Variants in MYOM3 observed in about 807,000 individuals in gnomAD.
The protein encoded by MYOM3 is myomesin-3.
A neutral mutation model predicts 191.7 loss-of-function variants in MYOM3; 155 were observed. The ratio of observed to expected loss-of-function variants is 0.81; its 90% CI spans 0.71 to 0.92. MYOM3 has a LOEUF of 0.92. MYOM3 is among the 40% of genes least tolerant of loss of function. The pLI, the probability that MYOM3 is intolerant of heterozygous loss-of-function variation, is 0.00. For missense variants in MYOM3, 1,889 were observed against 1,890.6 expected, an observed-to-expected ratio of 1.00 and a Z score of 0.02; for synonymous variants, 757 against 762.9, an observed-to-expected ratio of 0.99 and a Z score of 0.13.
At chr1:24,092,420 C>T in intron 10 of MYOM3, 105 bp from the exon 11 acceptor site, 2 of 1,060,210 alleles carry the variant, frequency 1.9e-6, no homozygotes, top group Non-Finnish European at 2.5e-6. Flanking sequence ...CCTCCAGGGG[C>T]TCAGTTTTGA....
intron 20 of MYOM3, among the ~76,000 whole-genome samples, chr1:24,077,922 A>G (rs774197393): frequency 2.0e-5 from 3 of 152,232 alleles, no homozygotes; most frequent in East Asian, 3.8e-4. Context: ...GTCTTCCCTG[A>G]TTCTGTCTGA....
At chr1:24,108,221 G>T in intron 2 of MYOM3, 148 bp from the exon 3 acceptor site, 2 of 808,824 alleles carry the variant, frequency 2.5e-6, no homozygotes, top group Non-Finnish European at 3.9e-6. Flanking sequence ...AGAAAGCAAG[G>T]CTGCATCCCC....
intron 4 of MYOM3, 136 bp from the exon 5 acceptor site, chr1:24,106,213 C>T: frequency 9.7e-7 from 1 of 1,027,448 alleles, no homozygotes; most frequent in Non-Finnish European, 1.4e-6. Context: ...CCTCCCCTAG[C>T]TGAGCAGGGT....
intron 20 of MYOM3, 51 bp from the exon 21 acceptor site, chr1:24,076,324 G>A (rs2148548401): frequency 7.2e-7 from 1 of 1,391,114 alleles, no homozygotes; most frequent in Non-Finnish European, 1.0e-6. Flanking sequence ...GACTCTTCCT[G>A]AAACCTGGGC....
chr1:24,071,019 C>A, intron 25 of MYOM3, 98 bp downstream of exon 25: 1 of 1,418,956 alleles, frequency 7.0e-7, no homozygotes, highest in Admixed American at 1.9e-5. Flanking sequence ...CTGAAATGGC[C>A]ACTAGGGGGA....
intron 13 of MYOM3, 83 bp downstream of exon 13, chr1:24,089,982 C>T: frequency 7.1e-7 from 1 of 1,404,704 alleles, no homozygotes; most frequent in Non-Finnish European, 1.0e-6. Flanking sequence ...TGCACTGGGA[C>T]AGCTTCTGCC....
intron 11 of MYOM3, among the ~76,000 whole-genome samples, chr1:24,091,631 G>C (rs1643832963): frequency 6.6e-6 from 1 of 152,220 alleles, no homozygotes; most frequent in Non-Finnish European, 1.5e-5. Context: ...GAGGGCATTA[G>C]ATAGTCCCCC....
rs1489791402 is a variant in MYOM3 at position 24,082,422 on chromosome 1, A to G, written c.2092+171T>C. On this transcript the variant is annotated intron_variant, in intron 17 of 36. Coordinates refer to ENST00000374434, the MANE Select transcript of MYOM3 (RefSeq NM_152372.4). ...AGGCCCCATCCCATGGCCTCAAGCC[A>G]TGGTTACTTCCTTCCCAAAGGAAAG... 3 of 1,048,606 alleles carry G rather than the reference A, an allele frequency of 2.9e-6. No homozygotes were observed. The African/African-American group carries it at 4.9e-5, about 17-fold the overall frequency. The allele number at this position is 1,048,606 out of a possible 1,614,324, so 65.0% of individuals were successfully genotyped here. A position where few individuals can be genotyped will look rare whatever the true frequency, so the allele number is the denominator to read the frequency against.
chr1:24,098,020 G>C lies in MYOM3; in HGVS notation c.657-9C>G, dbSNP rs1157298615. 6.3e-7 allele frequency: 1 copy of C among 1,588,256 alleles called. No individual in the cohort carries two copies. The highest frequency in any genetic ancestry group is 1.3e-5 in the African/African-American group (1 of 74,422). On this transcript the variant is annotated splice_polypyrimidine_tract_variant and intron_variant, in intron 6 of 36. Transcript: ENST00000374434. ...AGTCCTCAATGGCGCATCTGAAAAG[G>C]AGAGAGGGAGAAGTTCCTCCCAAGA... is the stretch of plus-strand genomic sequence containing the variant.
At chr1:24,092,787 C>T (rs905120036) in intron 10 of MYOM3, among the ~76,000 whole-genome samples, 160 bp downstream of exon 10, 12 of 152,162 alleles carry the variant, frequency 7.9e-5, no homozygotes, top group South Asian at 2.1e-4. Context: ...TAGGATGCCA[C>T]GGGGAGTCTT....
In MYOM3 at chr1:24,069,434, G is replaced by A. The variant is rs553865158; in HGVS notation, c.3151-1067C>T. The stretch of plus-strand genomic sequence containing the variant: ...GCACAGATGGAGAAACACAGGCACA[G>A]ACAGGTGAAGAGACCTGCCAAGGTC... On this transcript the variant is annotated intron_variant, in intron 25 of 36. Transcript: ENST00000374434. Among the ~76,000 whole-genome samples, 42 of 152,334 alleles carry A rather than the reference G, an allele frequency of 2.8e-4. 1 individual carries two copies. The South Asian group carries it at 8.3e-3, about 30-fold the overall frequency.
chr1:24,066,092 A>G, intron 28 of MYOM3, 91 bp from the exon 29 acceptor site: 1 of 842,790 alleles, frequency 1.2e-6, no homozygotes, highest in South Asian at 1.3e-5. Flanking sequence ...ATCTCAGTGG[A>G]GTCCTTTCAC....
chr1:24,081,578 T>C, intron 18 of MYOM3, 122 bp from the exon 19 acceptor site: 1 of 1,201,738 alleles, frequency 8.3e-7, no homozygotes, highest in South Asian at 1.5e-5. Context: ...ATTTTTATTT[T>C]TTGAGACATG....
In MYOM3 at chr1:24,068,027, A is replaced by G; in HGVS notation, c.3298T>C (p.Phe1100Leu). ...QITLTLVDDD[F>L]DKLLRKADAK... ...TCTGCCTTCCTCAGAAGCTTGTCAA[A>G]ATCTGTGAACACAGAGGGAGGAACT... Residue 1100 changes from phenylalanine (F) to leucine (L), a missense_variant and splice_region_variant, in exon 27 of 37, where the codon TTT becomes CTT. Transcript: ENST00000374434. 1 of 1,614,170 alleles carries G rather than the reference A, an allele frequency of 6.2e-7. No homozygotes were observed. Among genetic ancestry groups the G allele is most frequent in the South Asian group, 1.1e-5 (1 of 91,082 alleles).
intron 14 of MYOM3, 69 bp downstream of exon 14, chr1:24,089,469 A>G (rs565162291): frequency 3.3e-6 from 5 of 1,502,472 alleles, no homozygotes; most frequent in Admixed American, 4.5e-5. Context: ...CCCAGGGGAC[A>G]CTGCCCAGGG....
rs766570468 is a variant in MYOM3, at chr1:24,081,420, G to A, written c.2317C>T (p.Arg773Cys). 7 of 1,614,048 alleles carry A rather than the reference G, an allele frequency of 4.3e-6. No individual in the cohort carries two copies. The highest frequency in any genetic ancestry group is 1.1e-5 in the South Asian group (1 of 91,082). ...DLHEGHFYEFRARAANWAGVG... is the reference protein window; with the variant it reads ...DLHEGHFYEFCARAANWAGVG... The stretch of plus-strand genomic sequence containing the variant: ...CCTGCCCAGTTGGCAGCCCGGGCAC[G>A]GAACTCATAGAAGTGGCCTTCATGA... The change falls in exon 19 of 37, where the codon CGT becomes TGT. Residue 773 changes from arginine to cysteine, a missense_variant. Coordinates refer to ENST00000374434, the MANE Select transcript of MYOM3 (RefSeq NM_152372.4).
chr1:24,076,407 AAAG>A, intron 20 of MYOM3, 134 bp from the exon 21 acceptor site: 2 of 645,504 alleles, frequency 3.1e-6, no homozygotes, highest in Non-Finnish European at 5.6e-6. Context: ...TCCATGTGAC[AAAG>A]ATGGCCATTC....
chr1:24,071,037 G>A, intron 25 of MYOM3, 80 bp downstream of exon 25: 1 of 1,525,944 alleles, frequency 6.6e-7, no homozygotes, highest in African/African-American at 1.4e-5. Context: ...GGAAGTACCA[G>A]CCCATGCGGA....
intron 36 of MYOM3, among the ~76,000 whole-genome samples, chr1:24,057,861 C>T (rs1643321809): frequency 6.6e-6 from 1 of 152,140 alleles, no homozygotes; most frequent in African/African-American, 2.4e-5. Flanking sequence ...GGCTGGAGTG[C>T]AGTGGCATGA....
Sources: allele counts gnomAD v4.1 joint callset (sites outside exome capture counted in the v4.1 genomes callset), GRCh38; gene constraint gnomAD v4.1.1; transcripts MANE v1.5; gene names NCBI Gene and HGNC (gene_info 2026-07-23, HGNC 2026-07-21).